ACOT11: variants seen among roughly 807,000 people sequenced by gnomAD.
ACOT11 encodes the protein acyl-CoA thioesterase 11, also known as acyl-coenzyme A thioesterase 11.
In ACOT11, 69 loss-of-function variants were observed where a neutral mutation model predicts 77.5. The observed-to-expected ratio is 0.89, with a 90% CI of 0.73 to 1.09. The LOEUF (loss-of-function observed/expected upper bound fraction) is 1.09, where lower values mean the gene tolerates loss of function less well. ACOT11 is among the 50% of genes least tolerant of loss of function. The pLI, the probability that ACOT11 is intolerant of heterozygous loss-of-function variation, is 0.00. For synonymous variants in ACOT11, 279 were observed against 313.0 expected (o/e 0.89, Z 1.15); for missense variants, 766 against 813.7 (o/e 0.94, Z 0.71).
exon 17 of ACOT11, chr1:54,638,246 A>ACATT (rs1461670436): frequency 2.0e-5 from 3 of 152,266 alleles, no homozygotes; most frequent in African/African-American, 7.2e-5. Flanking sequence ...AGGCAGTGGA[A>ACATT]CATTAGCTTT....
At position 54,584,959 on chromosome 1, in the gene ACOT11, C is replaced by T. The variant is rs7519073; in HGVS notation, c.241+97C>T. The T allele has an allele frequency of 0.075, 97,839 of 1,302,386 alleles. 7,461 individuals carry two copies. The highest frequency in any genetic ancestry group is 0.38 in the African/African-American group (25,604 of 67,818). 80.7% of individuals were successfully genotyped at this position (1,302,386 alleles called of 1,614,324 possible). On this transcript the variant is annotated intron_variant, in intron 2 of 15. Transcript: ENST00000343744. The surrounding 1 kb of genome is among the most constrained non-coding windows in gnomAD (Gnocchi z 6.3). ...GTCACCGTCCACCCTAAGTGCCACA[C>T]TTGTTTCTCATCTTGGCCTTTGCTC...
In ACOT11 at chr1:54,628,193, C is replaced by T. The variant is rs1471894679; in HGVS notation, c.1630-2541C>T. 5.3e-5 allele frequency: 7 copies of T among 133,084 alleles called. 3 individuals carry two copies. The highest frequency in any genetic ancestry group is 8.5e-5 in the Non-Finnish European group (5 of 58,720). 8.2% of individuals were successfully genotyped at this position (133,084 alleles called of 1,614,324 possible). On this transcript the variant is annotated intron_variant, in intron 15 of 16. Coordinates refer to the ACOT11 transcript ENST00000371316. ...CGGCAGAGCCACAGGACTTCCCACA[C>T]TGCATTGCTTAGAACAGCAAATGGC...
intron 15 of ACOT11, chr1:54,623,403 C>G (rs772585726): frequency 6.0e-5 from 96 of 1,609,244 alleles, no homozygotes; most frequent in Non-Finnish European, 7.6e-5. Flanking sequence ...CATGGCGACG[C>G]TCTCTGGGGA....
intron 1 of ACOT11, among the ~76,000 whole-genome samples, chr1:54,554,651 T>C (rs1653199103): frequency 6.6e-6 from 1 of 151,958 alleles, no homozygotes; most frequent in Non-Finnish European, 1.5e-5. Context: ...CCCAGCTTTA[T>C]ACCACATTAA....
intron 1 of ACOT11, among the ~76,000 whole-genome samples, chr1:54,555,667 T>G (rs958179557): frequency 5.9e-5 from 9 of 152,216 alleles, no homozygotes; most frequent in Non-Finnish European, 1.3e-4. Context: ...CGTCATGAAG[T>G]GTTTCCCTTA....
intron 11 of ACOT11, 50 bp from the exon 12 acceptor site, chr1:54,604,296 G>A (rs376656975): frequency 2.1e-4 from 333 of 1,566,554 alleles, no homozygotes; most frequent in Non-Finnish European, 2.8e-4. Context: ...TGGCTCAGGG[G>A]CCCTGAAGGA....
chr1:54,610,506 A>G (rs768769917), downstream of ACOT11: 1 of 1,613,476 alleles, frequency 6.2e-7, no homozygotes, highest in East Asian at 2.2e-5. Flanking sequence ...GCTGGAGAAG[A>G]GGGATCAGGC....
chr1:54,580,418 C>G (rs1654264573), intron 1 of ACOT11, among the ~76,000 whole-genome samples: 1 of 152,138 alleles, frequency 6.6e-6, no homozygotes, highest in African/African-American at 2.4e-5. Context: ...TTGGCCTGGC[C>G]CCCAAGCCCC....
chr1:54,562,630 G>A (rs1653574119), intron 1 of ACOT11, among the ~76,000 whole-genome samples: 1 of 144,486 alleles, frequency 6.9e-6, no homozygotes, highest in Admixed American at 6.7e-5. Context: ...GCCGGGCGGA[G>A]GGGCTCCTCA....
downstream of ACOT11, chr1:54,612,337 A>T (rs1569783136): frequency 3.3e-6 from 2 of 614,396 alleles, no homozygotes; most frequent in Non-Finnish European, 2.9e-6. Flanking sequence ...GAGGTATGCA[A>T]GCAGAAAGCA....
At chr1:54,561,990 G>A (rs1440845255) in intron 1 of ACOT11, among the ~76,000 whole-genome samples, 5 of 80,022 alleles carry the variant, frequency 6.2e-5, no homozygotes, top group African/African-American at 2.5e-4. Context: ...AGGGGCGGCC[G>A]GGCAGAGGCG....
downstream of ACOT11, among the ~76,000 whole-genome samples, chr1:54,612,300 T>C (rs1655529): frequency 0.99 from 150,283 of 151,778 alleles, 74,425 homozygotes; most frequent in Middle Eastern, 1. Flanking sequence ...AGGGCTCTCT[T>C]GGGAGGTAGT....
chr1:54,630,961 G>T (rs11807852), intron 16 of ACOT11: 5,907 of 554,686 alleles, frequency 0.011, 263 homozygotes, highest in African/African-American at 0.1. Flanking sequence ...TTTCACCTTA[G>T]AACTTTTTCA....
At chr1:54,596,122 C>G (rs1654889409) in intron 6 of ACOT11, among the ~76,000 whole-genome samples, 3 of 152,214 alleles carry the variant, frequency 2.0e-5, no homozygotes, top group Admixed American at 2.0e-4. Context: ...GGCACTGGGC[C>G]TTCTGGCTGG....
chr1:54,639,064 T>C (rs1644346418), exon 17 of ACOT11: 1 of 151,598 alleles, frequency 6.6e-6, no homozygotes, highest in African/African-American at 2.4e-5. Flanking sequence ...CATGATGGCA[T>C]GCACCTATAA....
At chr1:54,586,142 G>A (rs934159283) in intron 3 of ACOT11, among the ~76,000 whole-genome samples, 1 of 152,104 alleles carries the variant, frequency 6.6e-6, no homozygotes, top group Admixed American at 6.5e-5. Flanking sequence ...CCTCAGCCAG[G>A]GTGTGGCCGA....
downstream of ACOT11, chr1:54,611,682 G>A (rs1644120280): frequency 6.2e-7 from 1 of 1,613,970 alleles, no homozygotes; most frequent in African/African-American, 1.3e-5. Flanking sequence ...TGTTATCCCG[G>A]ACGTAGAGCA....
intron 1 of ACOT11, among the ~76,000 whole-genome samples, chr1:54,564,039 C>A (rs1653646737): frequency 6.7e-6 from 1 of 150,212 alleles, no homozygotes; most frequent in South Asian, 2.1e-4. Context: ...GCACTCCAGC[C>A]TGGGCAACAG....
Position 54,609,491 on chromosome 1 carries a change from A to C in ACOT11, c.*379A>C. ...GCTGTGGCCCAGCAGCATGGCCTGCATCTGGAAGGACACAGGTTGCCAGAG... is the reference window on the plus strand; with the variant it reads ...GCTGTGGCCCAGCAGCATGGCCTGCCTCTGGAAGGACACAGGTTGCCAGAG... On this transcript the variant is annotated 3_prime_UTR_variant, in exon 16 of 16. Coordinates refer to ENST00000343744, the MANE Select transcript of ACOT11 (RefSeq NM_147161.4). The C allele has an allele frequency of 2.5e-6, 4 of 1,613,384 alleles. No individual in the cohort carries two copies. The highest frequency in any genetic ancestry group is 3.4e-6 in the Non-Finnish European group (4 of 1,180,052).
Sources: gnomAD v4.1 joint callset for allele counts (sites outside exome capture counted in the v4.1 genomes callset) on GRCh38, gnomAD v4.1.1 for gene constraint, Gnocchi (gnomAD v3.1) non-coding constraint, MANE v1.5 for transcripts, NCBI Gene and HGNC (gene_info 2026-07-23, HGNC 2026-07-21) for gene names.